SH3BGRL: variants seen among roughly 807,000 people sequenced by gnomAD.
SH3BGRL encodes the protein SH3 domain binding glutamate rich protein like.
SH3BGRL carries 7 observed loss-of-function variants against 9.8 expected under a neutral mutation model. That is an observed-to-expected ratio of 0.72 (90% confidence interval 0.41 to 1.35). The LOEUF is 1.35. Among genes scored for constraint, SH3BGRL ranks in the 40% most tolerant of loss-of-function variants. SH3BGRL has a pLI of 0.01. For synonymous variants in SH3BGRL, 36 were observed against 29.1 expected (o/e 1.24, Z -0.76); for missense variants, 73 against 84.4 (o/e 0.86, Z 0.53).
chrX:81,282,061 C>A (rs2075819199), intron 3 of SH3BGRL, among the ~76,000 whole-genome samples: 1 of 111,839 alleles, frequency 8.9e-6, no homozygotes, highest in Admixed American at 9.5e-5. Flanking sequence ...AACTTTAAAG[C>A]AACAGTGGTA....
intron 1 of SH3BGRL, among the ~76,000 whole-genome samples, chrX:81,243,962 CT>C (rs1474474548): frequency 9.0e-6 from 1 of 111,599 alleles, no homozygotes; most frequent in Non-Finnish European, 1.9e-5. Flanking sequence ...ATACACCACA[CT>C]GTCTCCCTCA....
chrX:81,266,108 A>G (rs919788217), intron 1 of SH3BGRL, among the ~76,000 whole-genome samples: 1 of 112,077 alleles, frequency 8.9e-6, no homozygotes, highest in African/African-American at 3.2e-5. Flanking sequence ...GTCCTTTATC[A>G]GATGGACAGA....
At chrX:81,274,874 A>T (rs2075793412) in intron 1 of SH3BGRL, among the ~76,000 whole-genome samples, 1 of 111,774 alleles carries the variant, frequency 8.9e-6, no homozygotes. Flanking sequence ...ACATGGCAGA[A>T]CCTATTAGCA....
chrX:81,214,304 G>T (rs187143682), intron 1 of SH3BGRL, among the ~76,000 whole-genome samples: 1 of 111,561 alleles, frequency 9.0e-6, no homozygotes, highest in Admixed American at 9.5e-5. Flanking sequence ...TTAAGAAATG[G>T]AGCAAATAAT....
chrX:81,244,636 A>T (rs2075682295), intron 1 of SH3BGRL, among the ~76,000 whole-genome samples: 1 of 111,977 alleles, frequency 8.9e-6, no homozygotes, highest in Admixed American at 9.4e-5. Flanking sequence ...TTTAAGAAAG[A>T]TTCTTTTTTT....
At chrX:81,240,465 AT>A (rs949654688) in intron 1 of SH3BGRL, among the ~76,000 whole-genome samples, 5 of 112,449 alleles carry the variant, frequency 4.4e-5, no homozygotes, top group African/African-American at 1.6e-4. Context: ...CAGAAATAAA[AT>A]TAAATAGCGG....
At chrX:81,210,125 C>T (rs1179731452) in intron 1 of SH3BGRL, among the ~76,000 whole-genome samples, 1 of 110,534 alleles carries the variant, frequency 9.0e-6, no homozygotes, top group East Asian at 2.9e-4. Context: ...TCTAGCCAAG[C>T]CTTTCTGCTT....
chrX:81,272,066 G>A (rs981440494), intron 1 of SH3BGRL, among the ~76,000 whole-genome samples: 5 of 108,932 alleles, frequency 4.6e-5, no homozygotes, highest in African/African-American at 1.7e-4. Context: ...GCATGGTGGC[G>A]GATGCCTGTA....
intron 1 of SH3BGRL, among the ~76,000 whole-genome samples, chrX:81,203,595 A>G (rs1168798439): frequency 8.9e-6 from 1 of 112,080 alleles, no homozygotes; most frequent in Non-Finnish European, 1.9e-5. Context: ...TCTCAACTCA[A>G]TCCAATAATT....
chrX:81,210,265 T>G (rs1334819203), intron 1 of SH3BGRL, among the ~76,000 whole-genome samples: 2 of 111,689 alleles, frequency 1.8e-5, no homozygotes, highest in Non-Finnish European at 3.8e-5. Context: ...GCCAGTTGTT[T>G]CATTATAAGT....
At chrX:81,268,641 G>T (rs5912484) in intron 1 of SH3BGRL, among the ~76,000 whole-genome samples, 1,500 of 111,560 alleles carry the variant, frequency 0.013, 13 homozygotes, top group Non-Finnish European at 0.023. Context: ...TTCTAATTAT[G>T]TGGTCAATTT....
At chrX:81,286,250 G>A (rs1412291735) in intron 3 of SH3BGRL, among the ~76,000 whole-genome samples, 2 of 106,664 alleles carry the variant, frequency 1.9e-5, no homozygotes, top group Non-Finnish European at 3.9e-5. Context: ...TGCTTGTGCA[G>A]AAAGGAAAAC....
chrX:81,208,550 A>G (rs904131822), intron 1 of SH3BGRL, among the ~76,000 whole-genome samples: 4 of 112,318 alleles, frequency 3.6e-5, no homozygotes, highest in Non-Finnish European at 7.5e-5. Flanking sequence ...TTCATTTCTT[A>G]CTGATACAAG....
At chrX:81,231,134 TTAAATA>T (rs1354774006) in intron 1 of SH3BGRL, among the ~76,000 whole-genome samples, 3 of 112,148 alleles carry the variant, frequency 2.7e-5, no homozygotes, top group African/African-American at 9.7e-5. Context: ...AGAAATAGAT[TTAAATA>T]TTATTTTAGC....
intron 3 of SH3BGRL, among the ~76,000 whole-genome samples, chrX:81,291,272 A>T (rs1045854531): frequency 6.3e-5 from 7 of 111,690 alleles, no homozygotes; most frequent in Non-Finnish European, 1.3e-4. Context: ...TTACAGTTCC[A>T]CAGGCTATAA....
At chrX:81,247,334 A>T (rs1476764144) in intron 1 of SH3BGRL, among the ~76,000 whole-genome samples, 1 of 111,898 alleles carries the variant, frequency 8.9e-6, no homozygotes, top group Non-Finnish European at 1.9e-5. Flanking sequence ...CAGGACTTCC[A>T]GTACTATGTT....
intron 1 of SH3BGRL, among the ~76,000 whole-genome samples, chrX:81,207,370 T>C (rs1357748580): frequency 1.8e-5 from 2 of 112,457 alleles, no homozygotes; most frequent in East Asian, 5.6e-4. Flanking sequence ...TTCACAAATA[T>C]ACATAATTTT....
chrX:81,217,557 GT>G (rs2075585164), intron 1 of SH3BGRL, among the ~76,000 whole-genome samples: 1 of 111,420 alleles, frequency 9.0e-6, no homozygotes, highest in Non-Finnish European at 1.9e-5. Context: ...TATTTGTATA[GT>G]TTTGAGGGTT....
intron 1 of SH3BGRL, among the ~76,000 whole-genome samples, chrX:81,254,893 T>TTC (rs2075720831): frequency 1.0e-5 from 1 of 98,364 alleles, no homozygotes; most frequent in Admixed American, 1.0e-4. Flanking sequence ...TTTCTTAAGT[T>TTC]TTTTTTTTTT....
Sources: allele counts gnomAD v4.1 joint callset (sites outside exome capture counted in the v4.1 genomes callset), GRCh38; gene constraint gnomAD v4.1.1; transcripts MANE v1.5; gene names NCBI Gene and HGNC (gene_info 2026-07-23, HGNC 2026-07-21).